Variants in AUTS2 observed in about 807,000 individuals in gnomAD.
AUTS2 encodes the protein autism susceptibility gene 2 protein.
Under a neutral mutation model 112.4 loss-of-function variants are expected in AUTS2, and 17 were observed. That is an observed-to-expected ratio of 0.15 (90% CI 0.10 to 0.23). The LOEUF is 0.23. Ranked by LOEUF, AUTS2 falls within the 10% of genes least tolerant of loss-of-function variation. AUTS2 has a pLI of 1.00. For synonymous variants in AUTS2, 751 were observed against 702.7 expected (o/e 1.07, Z -1.09); for missense variants, 1,510 against 1,701.6 (o/e 0.89, Z 1.98).
intron 1 of AUTS2, among the ~76,000 whole-genome samples, chr7:69,641,892 T>G (rs1338377224): frequency 6.6e-6 from 1 of 152,244 alleles, no homozygotes; most frequent in Non-Finnish European, 1.5e-5. Flanking sequence ...AGGATATTGA[T>G]TGATGACATT....
At chr7:70,050,234 G>A (rs1801685782) in intron 2 of AUTS2, among the ~76,000 whole-genome samples, 1 of 151,244 alleles carries the variant, frequency 6.6e-6, no homozygotes, top group Non-Finnish European at 1.5e-5. Flanking sequence ...GTGCGCACCT[G>A]TAGTCCCAGC....
rs553903823 is a variant in AUTS2, at chr7:70,461,636, C to T, written c.690+25855C>T. 1.9e-4 allele frequency among the ~76,000 whole-genome samples: 29 copies of T among 152,262 alleles called. No homozygotes were observed. In the Middle Eastern group the frequency reaches 0.014, roughly 71 times the overall value. Reference sequence around the variant, plus strand: ...ATTTACTTATTATATGCCAGGAATACGTTGCTAGTTTTGAATTGTTTTGTG... The same window carrying T: ...ATTTACTTATTATATGCCAGGAATATGTTGCTAGTTTTGAATTGTTTTGTG... On this transcript the variant is annotated intron_variant, in intron 5 of 18. Transcript: ENST00000342771.
chr7:70,789,755 G>C lies in AUTS2; in HGVS notation c.2539G>C (p.Val847Leu), dbSNP rs751246676. The C allele has an allele frequency of 1.2e-6, 2 of 1,611,608 alleles. No homozygotes were observed. The highest frequency in any genetic ancestry group is 1.3e-5 in the African/African-American group (1 of 74,946). Residue 847 changes from valine (V) to leucine (L), a missense_variant, in exon 19 of 19, where the codon GTC (valine) becomes CTC (leucine). Physicochemically the swap from Val to Leu is conservative, Grantham distance 32. Coordinates refer to ENST00000342771, the MANE Select transcript of AUTS2 (RefSeq NM_015570.4). Reference sequence around the variant, plus strand: ...TTCCCCTCTCTCCCCCAGGGAAAGCGTCGAGAAGAGACACTCCAGCCACCC... The same window carrying C: ...TTCCCCTCTCTCCCCCAGGGAAAGCCTCGAGAAGAGACACTCCAGCCACCC... ...VSKDDKERESVEKRHSSHPSP... is the reference protein window; with the variant it reads ...VSKDDKERESLEKRHSSHPSP...
chr7:70,538,555 A>C (rs1800418928), intron 5 of AUTS2, among the ~76,000 whole-genome samples: 1 of 152,172 alleles, frequency 6.6e-6, no homozygotes, highest in South Asian at 2.1e-4. Flanking sequence ...GAGAGAGATA[A>C]ATGAAACATC....
chr7:69,943,908 C>T (rs1180839060), intron 2 of AUTS2, among the ~76,000 whole-genome samples: 4 of 152,194 alleles, frequency 2.6e-5, no homozygotes, highest in Admixed American at 1.3e-4. Context: ...TGTGAATCAT[C>T]AGTCAAAACG....
chr7:70,047,295 A>G (rs929530697), intron 2 of AUTS2, among the ~76,000 whole-genome samples: 2 of 152,162 alleles, frequency 1.3e-5, no homozygotes, highest in African/African-American at 4.8e-5. Context: ...CTTAGTCAAA[A>G]TTTATTGAAC....
intron 6 of AUTS2, among the ~76,000 whole-genome samples, chr7:70,726,090 G>T (rs1787013112): frequency 6.6e-6 from 1 of 151,852 alleles, no homozygotes; most frequent in Non-Finnish European, 1.5e-5. Flanking sequence ...ATTTTATTAG[G>T]GGTCAGGATT....
chr7:70,270,102 ATG>A (rs1247073018), intron 4 of AUTS2, among the ~76,000 whole-genome samples: 1 of 152,260 alleles, frequency 6.6e-6, no homozygotes, highest in East Asian at 1.9e-4. Flanking sequence ...ATATATTAGC[ATG>A]TCTTTTTTCT....
chr7:70,153,338 G>A (rs1431196043), intron 4 of AUTS2, among the ~76,000 whole-genome samples: 1 of 152,154 alleles, frequency 6.6e-6, no homozygotes, highest in African/African-American at 2.4e-5. Context: ...CATATTGTAT[G>A]GTTCCAATTT....
chr7:70,085,515 G>A (rs1478472017), intron 2 of AUTS2, among the ~76,000 whole-genome samples: 5 of 151,840 alleles, frequency 3.3e-5, no homozygotes, highest in Admixed American at 6.6e-5. Context: ...ACAGGTGCCC[G>A]CCACCACACC....
At chr7:70,280,406 C>T (rs1317093576) in intron 4 of AUTS2, among the ~76,000 whole-genome samples, 1 of 150,734 alleles carries the variant, frequency 6.6e-6, no homozygotes, top group Non-Finnish European at 1.5e-5. Flanking sequence ...GCCTCAGCCT[C>T]CTGAGTAGCT....
intron 2 of AUTS2, among the ~76,000 whole-genome samples, chr7:69,961,725 T>TA (rs886916062): frequency 9.2e-5 from 14 of 152,262 alleles, no homozygotes; most frequent in Admixed American, 8.5e-4. Flanking sequence ...TTTCTTAACA[T>TA]ATTGTTTACA....
At chr7:69,859,736 T>C (rs1469367530) in intron 1 of AUTS2, among the ~76,000 whole-genome samples, 3 of 152,222 alleles carry the variant, frequency 2.0e-5, no homozygotes, top group Non-Finnish European at 4.4e-5. Flanking sequence ...CTACTTCAGA[T>C]AGATGCTCTA....
chr7:70,633,766 A>C (rs1169125552), intron 5 of AUTS2, among the ~76,000 whole-genome samples: 2 of 152,174 alleles, frequency 1.3e-5, no homozygotes, highest in East Asian at 3.9e-4. Flanking sequence ...CCTCAATTGA[A>C]ATTTCTGGGT....
At chr7:70,259,541 G>C (rs1787057950) in intron 4 of AUTS2, among the ~76,000 whole-genome samples, 1 of 152,124 alleles carries the variant, frequency 6.6e-6, no homozygotes. Flanking sequence ...CCTGTTGATG[G>C]TTTTGCCAGA....
intron 5 of AUTS2, among the ~76,000 whole-genome samples, chr7:70,547,716 A>T (rs1800847188): frequency 6.6e-6 from 1 of 152,146 alleles, no homozygotes. Flanking sequence ...GCTTATGGAC[A>T]TTTGGATTAT....
intron 4 of AUTS2, among the ~76,000 whole-genome samples, chr7:70,350,926 T>C (rs1004695659): frequency 2.6e-5 from 4 of 152,256 alleles, no homozygotes; most frequent in Non-Finnish European, 5.9e-5. Flanking sequence ...TCTATGTCTT[T>C]GACTGTTGTT....
chr7:70,528,030 A>G (rs1413713121), intron 5 of AUTS2, among the ~76,000 whole-genome samples: 1 of 150,728 alleles, frequency 6.6e-6, no homozygotes, highest in African/African-American at 2.4e-5. Flanking sequence ...TTGTAAATTT[A>G]GAGGATGGGT....
chr7:70,182,821 ATTG>A (rs1809390809), intron 4 of AUTS2, among the ~76,000 whole-genome samples: 1 of 151,562 alleles, frequency 6.6e-6, no homozygotes, highest in Non-Finnish European at 1.5e-5. Context: ...CCTTAGTAGG[ATTG>A]AACTAAAGCA....
Sources: allele counts gnomAD v4.1 joint callset (sites outside exome capture counted in the v4.1 genomes callset), GRCh38; gene constraint gnomAD v4.1.1; transcripts MANE v1.5; gene names NCBI Gene and HGNC (gene_info 2026-07-23, HGNC 2026-07-21).